SPTLC3: variants seen among roughly 807,000 people sequenced by gnomAD.
The protein encoded by SPTLC3 is serine palmitoyltransferase 3.
Under a neutral mutation model 59.3 loss-of-function variants are expected in SPTLC3, and 36 were observed. The observed-to-expected ratio is 0.61, with a 90% CI of 0.47 to 0.80. The LOEUF (loss-of-function observed/expected upper bound fraction) is 0.80, where lower values mean the gene tolerates loss of function less well. Among genes scored for constraint, SPTLC3 ranks in the 30% least tolerant of loss-of-function variants. The pLI, the probability that SPTLC3 is intolerant of heterozygous loss-of-function variation, is 0.00. For missense variants in SPTLC3, 625 were observed against 685.1 expected (o/e 0.91, Z 0.98); for synonymous variants, 257 against 240.8 (o/e 1.07, Z -0.62).
chr20:13,009,543 A>G (rs567261896), intron 1 of SPTLC3, among the ~76,000 whole-genome samples, 159 bp downstream of exon 1: 33 of 152,296 alleles, frequency 2.2e-4, no homozygotes, highest in African/African-American at 7.5e-4. Flanking sequence ...TTGGCTACCA[A>G]AAAGTTTAGG....
intron 2 of SPTLC3, among the ~76,000 whole-genome samples, chr20:13,064,311 T>A (rs1310897265): frequency 4.5e-5 from 5 of 111,270 alleles, no homozygotes; most frequent in African/African-American, 1.6e-4. Context: ...GTTTTTGTTT[T>A]TGTTTTTGTT....
intron 7 of SPTLC3, among the ~76,000 whole-genome samples, chr20:13,115,690 G>T (rs1053334443): frequency 1.6e-4 from 24 of 152,010 alleles, no homozygotes; most frequent in African/African-American, 5.8e-4. Flanking sequence ...ATTGTCAAGG[G>T]CTCCCACTTT....
chr20:13,046,286 C>T (rs1987228623), intron 1 of SPTLC3, among the ~76,000 whole-genome samples: 1 of 152,142 alleles, frequency 6.6e-6, no homozygotes, highest in Non-Finnish European at 1.5e-5. Context: ...TTCCTTTTCT[C>T]CTACATTCCT....
At chr20:13,089,966 G>C (rs1008339866) in intron 4 of SPTLC3, among the ~76,000 whole-genome samples, 1 of 152,102 alleles carries the variant, frequency 6.6e-6, no homozygotes, top group Non-Finnish European at 1.5e-5. Flanking sequence ...TTGGTGAAAT[G>C]CAGTTTACTA....
chr20:13,091,521 C>T (rs1376252373), intron 5 of SPTLC3, among the ~76,000 whole-genome samples: 4 of 150,608 alleles, frequency 2.7e-5, no homozygotes, highest in Non-Finnish European at 4.4e-5. Flanking sequence ...TGCAATGAGC[C>T]GAGATCGGGC....
chr20:13,014,832 T>C (rs1351203180), intron 1 of SPTLC3, among the ~76,000 whole-genome samples: 3 of 151,046 alleles, frequency 2.0e-5, no homozygotes, highest in East Asian at 1.9e-4. Context: ...TTCCGGTCCA[T>C]AATCAGTTGA....
At chr20:13,163,367 C>CAAAAAAA (rs56217510) in intron 11 of SPTLC3, among the ~76,000 whole-genome samples, 12 of 90,030 alleles carry the variant, frequency 1.3e-4, no homozygotes, top group East Asian at 3.0e-4. Flanking sequence ...GACGCTGTCT[C>CAAAAAAA]AAAAAAAAAA....
intron 9 of SPTLC3, among the ~76,000 whole-genome samples, chr20:13,142,617 T>G (rs539649368): frequency 1.3e-5 from 2 of 152,310 alleles, no homozygotes; most frequent in East Asian, 3.9e-4. Context: ...ATTGAATATA[T>G]CAGTTTCCTT....
chr20:13,128,695 T>C (rs1332353343), intron 9 of SPTLC3, among the ~76,000 whole-genome samples: 2 of 151,844 alleles, frequency 1.3e-5, no homozygotes, highest in Non-Finnish European at 2.9e-5. Flanking sequence ...GTTTTTTGGG[T>C]TTTTTTAAAA....
chr20:13,045,874 GCCTATGGATTTCAAGAGAAAAGCA>G (rs1987208748), intron 1 of SPTLC3, among the ~76,000 whole-genome samples: 1 of 152,136 alleles, frequency 6.6e-6, no homozygotes, highest in South Asian at 2.1e-4. Context: ...AGCAGAAACT[GCCTATGGATTTCAAGAGAAAAGCA>G]CCACTTGATT....
intron 9 of SPTLC3, among the ~76,000 whole-genome samples, chr20:13,132,208 A>C (rs1600347540): frequency 2.5e-5 from 3 of 118,138 alleles, no homozygotes; most frequent in Admixed American, 1.1e-4. Flanking sequence ...ATGGAGTCTC[A>C]CTCTGTCACC....
At chr20:13,022,486 A>G (rs953316556) in intron 1 of SPTLC3, among the ~76,000 whole-genome samples, 1 of 152,176 alleles carries the variant, frequency 6.6e-6, no homozygotes, top group Admixed American at 6.5e-5. Flanking sequence ...CCCCTGCTCC[A>G]TGGTGTCTAG....
chr20:13,110,226 A>G lies in SPTLC3; in HGVS notation c.932+9A>G, dbSNP rs1265764596. On this transcript the variant is annotated intron_variant, in intron 7 of 11. Transcript: ENST00000399002. ...GTGGAGGGTGTCTACAGGTATGTAAATAACAGGACACATTTTACGACTCGG... is the reference window on the plus strand; with the variant it reads ...GTGGAGGGTGTCTACAGGTATGTAAGTAACAGGACACATTTTACGACTCGG... 2 of 1,609,914 alleles carry G rather than the reference A, an allele frequency of 1.2e-6. No individual in the cohort carries two copies. The highest frequency in any genetic ancestry group is 2.7e-5 in the African/African-American group (2 of 74,636).
intron 9 of SPTLC3, among the ~76,000 whole-genome samples, chr20:13,130,586 C>G (rs1189999619): frequency 1.3e-5 from 2 of 152,242 alleles, no homozygotes; most frequent in Non-Finnish European, 1.5e-5. Flanking sequence ...CACAAACAGC[C>G]ACCTTCACTC....
intron 2 of SPTLC3, among the ~76,000 whole-genome samples, chr20:13,057,228 T>C (rs1354932718): frequency 6.6e-6 from 1 of 152,112 alleles, no homozygotes; most frequent in Non-Finnish European, 1.5e-5. Flanking sequence ...TTCCTAGGAG[T>C]GCAGAATACA....
intron 6 of SPTLC3, among the ~76,000 whole-genome samples, chr20:13,107,747 G>A (rs1392201170): frequency 6.7e-6 from 1 of 150,244 alleles, no homozygotes; most frequent in African/African-American, 2.5e-5. Context: ...TTTCTGGCTA[G>A]TGATTAAAGA....
rs201813518 is a variant in SPTLC3 at position 13,120,265 on chromosome 20, CT to C, written c.1152+2541del. The stretch of plus-strand genomic sequence containing the variant: ...GATAGTTGATAGACAGATGAATAAT[CT>C]CCCAGATACTTCCCGTATATCTCAA... On this transcript the variant is annotated intron_variant, in intron 8 of 11. Transcript: ENST00000399002. Among the ~76,000 whole-genome samples the C allele has an allele frequency of 8.7e-3, 1,319 of 152,280 alleles. 21 individuals carry two copies. Among genetic ancestry groups the C allele is most frequent in the African/African-American group, 0.03 (1,256 of 41,544 alleles).
chr20:13,123,648 T>C (rs1210449970), intron 8 of SPTLC3, among the ~76,000 whole-genome samples: 1 of 152,144 alleles, frequency 6.6e-6, no homozygotes, highest in Admixed American at 6.5e-5. Context: ...AAGCACTGGC[T>C]TCTCCCTCTC....
At chr20:13,132,403 C>T (rs1478963987) in intron 9 of SPTLC3, among the ~76,000 whole-genome samples, 1 of 151,966 alleles carries the variant, frequency 6.6e-6, no homozygotes, top group Non-Finnish European at 1.5e-5. Flanking sequence ...TCTTGAGCTC[C>T]CGACCTCAAG....
Sources: gnomAD v4.1 joint callset for allele counts (sites outside exome capture counted in the v4.1 genomes callset) on GRCh38, gnomAD v4.1.1 for gene constraint, MANE v1.5 for transcripts, NCBI Gene and HGNC (gene_info 2026-07-23, HGNC 2026-07-21) for gene names.